The following GRAMD2B variants were observed in gnomAD, a reference collection of about 807,000 sequenced individuals.
GRAMD2B encodes the protein GRAM domain-containing protein 2B.
In GRAMD2B, 41 loss-of-function variants were observed where a neutral mutation model predicts 59.2. The ratio of observed to expected loss-of-function variants is 0.69; its 90% CI spans 0.54 to 0.90. GRAMD2B has a LOEUF of 0.90. Among genes scored for constraint, GRAMD2B ranks in the 40% least tolerant of loss-of-function variants. The probability of loss-of-function intolerance (pLI) is 0.00; values close to 1 mark genes in which losing one functional copy is unlikely to be tolerated. For synonymous variants in GRAMD2B, 161 were observed against 182.7 expected, an observed-to-expected ratio of 0.88 and a Z score of 0.96; for missense variants, 424 against 500.5, an observed-to-expected ratio of 0.85 and a Z score of 1.46.
exon 1 of GRAMD2B, chr5:126,371,484 G>A: frequency 2.3e-6 from 3 of 1,289,240 alleles, no homozygotes; most frequent in Non-Finnish European, 3.0e-6. Flanking sequence ...CGGTGTTCCG[G>A]TTTGAGACTC....
intron 1 of GRAMD2B, among the ~76,000 whole-genome samples, chr5:126,410,599 T>C (rs62391847): frequency 0.062 from 9,400 of 152,180 alleles, 365 homozygotes; most frequent in Middle Eastern, 0.13. Context: ...GCTGAAACAA[T>C]GGGGTTTTCT....
intron 1 of GRAMD2B, among the ~76,000 whole-genome samples, chr5:126,460,233 C>G (rs932431477): frequency 9.2e-5 from 14 of 152,184 alleles, no homozygotes; most frequent in African/African-American, 3.4e-4. Flanking sequence ...GAAGGACACA[C>G]AAGTTGCTGG....
intron 1 of GRAMD2B, among the ~76,000 whole-genome samples, chr5:126,379,724 C>T (rs1755500681): frequency 6.6e-6 from 1 of 152,124 alleles, no homozygotes; most frequent in Non-Finnish European, 1.5e-5. Context: ...AGTGTCTATT[C>T]ATGTCCTTAG....
intron 1 of GRAMD2B, among the ~76,000 whole-genome samples, chr5:126,414,709 T>C (rs1422708383): frequency 6.6e-6 from 1 of 152,168 alleles, no homozygotes; most frequent in African/African-American, 2.4e-5. Context: ...GCTCAAGTGA[T>C]CTTCCTACCT....
chr5:126,380,737 T>C (rs1299294890), intron 1 of GRAMD2B, among the ~76,000 whole-genome samples: 1 of 152,224 alleles, frequency 6.6e-6, no homozygotes, highest in African/African-American at 2.4e-5. Flanking sequence ...TACTGATTTG[T>C]GTACATTAAT....
At chr5:126,452,875 G>GT (rs1213745101) in intron 1 of GRAMD2B, among the ~76,000 whole-genome samples, 9 of 152,044 alleles carry the variant, frequency 5.9e-5, no homozygotes, top group Admixed American at 6.5e-5. Flanking sequence ...CTCTAAGTAT[G>GT]TTTTTCTGGA....
At chr5:126,447,651 A>T (rs568963818) in intron 1 of GRAMD2B, among the ~76,000 whole-genome samples, 1 of 148,410 alleles carries the variant, frequency 6.7e-6, no homozygotes, top group Non-Finnish European at 1.5e-5. Flanking sequence ...GCGACAGAGC[A>T]AGACTCCGTC....
At chr5:126,363,666 T>A (rs1754319741) in intron 1 of GRAMD2B, among the ~76,000 whole-genome samples, 1 of 152,150 alleles carries the variant, frequency 6.6e-6, no homozygotes, top group African/African-American at 2.4e-5. Flanking sequence ...AAGAAGACAG[T>A]CACAAAAGAT....
chr5:126,415,916 T>C (rs1759230889), intron 1 of GRAMD2B, among the ~76,000 whole-genome samples: 1 of 152,192 alleles, frequency 6.6e-6, no homozygotes, highest in Admixed American at 6.5e-5. Flanking sequence ...ACACTAACCA[T>C]GATTCAATAT....
At chr5:126,480,606 G>A (rs1484018926) in intron 7 of GRAMD2B, 21 bp from the exon 8 acceptor site, 20 of 1,612,688 alleles carry the variant, frequency 1.2e-5, no homozygotes, top group Middle Eastern at 1.6e-4. Context: ...CTGGCTTTTC[G>A]TTTTGTTCCA....
chr5:126,403,745 C>T (rs1187570486), intron 1 of GRAMD2B, among the ~76,000 whole-genome samples: 1 of 151,914 alleles, frequency 6.6e-6, no homozygotes, highest in African/African-American at 2.4e-5. Context: ...TATATCTCCA[C>T]ACACTGAAAG....
intron 1 of GRAMD2B, among the ~76,000 whole-genome samples, chr5:126,378,763 G>C (rs1186546725): frequency 2.0e-5 from 3 of 152,080 alleles, no homozygotes; most frequent in African/African-American, 7.2e-5. Flanking sequence ...CTCATTTTTG[G>C]AAATTTTGAA....
intron 1 of GRAMD2B, among the ~76,000 whole-genome samples, chr5:126,451,410 A>T (rs931932278): frequency 1.3e-5 from 2 of 152,136 alleles, no homozygotes; most frequent in African/African-American, 4.8e-5. Context: ...GAGCTTTAAG[A>T]CTTAATGACT....
intron 1 of GRAMD2B, among the ~76,000 whole-genome samples, chr5:126,365,524 C>T (rs931659692): frequency 2.0e-5 from 3 of 152,162 alleles, no homozygotes; most frequent in African/African-American, 7.2e-5. Context: ...ATCAAACACC[C>T]AAATGTGAAT....
At chr5:126,417,096 C>T (rs1759325668) in intron 1 of GRAMD2B, among the ~76,000 whole-genome samples, 1 of 152,210 alleles carries the variant, frequency 6.6e-6, no homozygotes, top group Non-Finnish European at 1.5e-5. Flanking sequence ...AGTCAGAGGG[C>T]CTAATCTATT....
At chr5:126,453,194 GCATGATGGCACATGCCTGTAATCC>G (rs1765678775) in intron 1 of GRAMD2B, among the ~76,000 whole-genome samples, 1 of 152,064 alleles carries the variant, frequency 6.6e-6, no homozygotes, top group African/African-American at 2.4e-5. Context: ...AATTAACTGG[GCATGATGGCACATGCCTGTAATCC>G]CAGCTACTTA....
intron 1 of GRAMD2B, among the ~76,000 whole-genome samples, chr5:126,400,274 T>C (rs557781595): frequency 6.6e-6 from 1 of 152,274 alleles, no homozygotes; most frequent in Non-Finnish European, 1.5e-5. Flanking sequence ...GAACATCTTA[T>C]AATTATGTTA....
chr5:126,441,968 A>G (rs547331398), intron 1 of GRAMD2B, among the ~76,000 whole-genome samples: 2 of 152,166 alleles, frequency 1.3e-5, no homozygotes, highest in Admixed American at 1.3e-4. Context: ...TCTGGCTAAA[A>G]CACATTTTTA....
chr5:126,396,498 G>C (rs553313821), intron 1 of GRAMD2B, among the ~76,000 whole-genome samples: 1 of 152,132 alleles, frequency 6.6e-6, no homozygotes, highest in African/African-American at 2.4e-5. Context: ...TTCCTGCAAC[G>C]GACATGATCT....
Sources: allele counts gnomAD v4.1 joint callset (sites outside exome capture counted in the v4.1 genomes callset), GRCh38; gene constraint gnomAD v4.1.1; transcripts MANE v1.5; gene names NCBI Gene and HGNC (gene_info 2026-07-23, HGNC 2026-07-21).